The following CDK14 variants were observed in gnomAD, a reference collection of about 807,000 sequenced individuals.
The protein encoded by CDK14 is cyclin dependent kinase 14, also known as cyclin-dependent kinase 14.
A neutral mutation model predicts 60.7 loss-of-function variants in CDK14; 34 were observed. That is an observed-to-expected ratio of 0.56 (90% confidence interval 0.43 to 0.75). CDK14 has a LOEUF of 0.75. Ranked by LOEUF, CDK14 falls within the 30% of genes least tolerant of loss-of-function variation. CDK14 has a pLI of 0.00. For missense variants in CDK14, 482 were observed against 564.1 expected, an observed-to-expected ratio of 0.85 and a Z score of 1.47; for synonymous variants, 197 against 203.7, an observed-to-expected ratio of 0.97 and a Z score of 0.28.
chr7:90,664,898 C>CACGTGTA (rs1800943431), intron 2 of CDK14, among the ~76,000 whole-genome samples: 1 of 151,876 alleles, frequency 6.6e-6, no homozygotes, highest in African/African-American at 2.4e-5. Context: ...ATGTAACAAA[C>CACGTGTA]CTGCAGATTG....
intron 6 of CDK14, among the ~76,000 whole-genome samples, chr7:90,879,698 C>A (rs559073700): frequency 2.6e-4 from 39 of 151,874 alleles, no homozygotes; most frequent in Non-Finnish European, 5.0e-4. Flanking sequence ...ACCTACGTAA[C>A]AAACCTGCAC....
At chr7:91,063,189 A>C (rs564267899) in intron 11 of CDK14, among the ~76,000 whole-genome samples, 6 of 152,282 alleles carry the variant, frequency 3.9e-5, no homozygotes, top group African/African-American at 1.4e-4. Flanking sequence ...AAGTGAGTTC[A>C]TTTTTTGCTG....
intron 12 of CDK14, among the ~76,000 whole-genome samples, chr7:91,109,812 A>T (rs1167433781): frequency 1.3e-5 from 2 of 152,154 alleles, no homozygotes; most frequent in African/African-American, 4.8e-5. Context: ...ATATTGTATT[A>T]ATGTGAGAAT....
intron 3 of CDK14, among the ~76,000 whole-genome samples, chr7:90,729,483 GTTT>G (rs1802777639): frequency 6.7e-6 from 1 of 149,714 alleles, no homozygotes; most frequent in Non-Finnish European, 1.5e-5. Flanking sequence ...GCCCTTATGG[GTTT>G]TAATTTTAGT....
At chr7:90,678,654 T>A (rs540605840) in intron 2 of CDK14, among the ~76,000 whole-genome samples, 44 of 152,222 alleles carry the variant, frequency 2.9e-4, no homozygotes, top group African/African-American at 8.2e-4. Context: ...ATTTTTTTTT[T>A]AAAATAGAGG....
At chr7:91,031,308 C>T (rs566232643) in intron 10 of CDK14, among the ~76,000 whole-genome samples, 43 of 151,926 alleles carry the variant, frequency 2.8e-4, no homozygotes, top group Admixed American at 4.6e-4. Context: ...AGCAGAAACC[C>T]ATAAACAATG....
chr7:90,758,826 C>T (rs1232040628), intron 4 of CDK14, among the ~76,000 whole-genome samples: 4 of 152,248 alleles, frequency 2.6e-5, no homozygotes, highest in East Asian at 1.9e-4. Context: ...AAGGGCAAGG[C>T]GGGTGGATCA....
chr7:91,035,318 CA>C (rs1423381871), intron 10 of CDK14, among the ~76,000 whole-genome samples: 10 of 152,172 alleles, frequency 6.6e-5, no homozygotes, highest in African/African-American at 2.2e-4. Flanking sequence ...TGTCTGAATG[CA>C]AAATGCAACC....
At chr7:90,598,951 G>A (rs1168062526) in intron 1 of CDK14, among the ~76,000 whole-genome samples, 1 of 151,906 alleles carries the variant, frequency 6.6e-6, no homozygotes, top group African/African-American at 2.4e-5. Flanking sequence ...TGATCCGCCC[G>A]CCTCGGCCTC....
In CDK14 at chr7:91,065,940, C is replaced by T. The variant is rs1198836449; in HGVS notation, c.1106-13492C>T. On this transcript the variant is annotated intron_variant, in intron 11 of 14. Coordinates refer to ENST00000380050, the MANE Select transcript of CDK14 (RefSeq NM_001287135.2). ...GTGATTTATGACAGTGTTAATTGTT[C>T]ATCCTTGTAAGGGACTGGAGCCTTT... 5.9e-5 allele frequency among the ~76,000 whole-genome samples: 9 copies of T among 152,178 alleles called. No homozygotes were observed. In the East Asian group the frequency reaches 1.7e-3, roughly 29 times the overall value.
chr7:90,884,384 G>C (rs1390500277), intron 6 of CDK14, among the ~76,000 whole-genome samples: 2 of 152,146 alleles, frequency 1.3e-5, no homozygotes, highest in Admixed American at 6.5e-5. Context: ...CAAGGGATTT[G>C]AAGGACCTCT....
rs1584808725 is a variant in CDK14, at chr7:90,709,438, C to T, written c.124-17129C>T. On this transcript the variant is annotated intron_variant, in intron 2 of 14. Coordinates refer to ENST00000380050, the MANE Select transcript of CDK14 (RefSeq NM_001287135.2). The stretch of plus-strand genomic sequence containing the variant: ...AATGTTTTTCCTCCTATGCAATCAC[C>T]ATTAGCTGTTTGGCTCCCATTCTGT... 4.0e-6 allele frequency: 6 copies of T among 1,517,708 alleles called. No individual in the cohort carries two copies. The East Asian group carries it at 1.4e-4, about 36-fold the overall frequency. 94.0% of individuals were successfully genotyped at this position (1,517,708 alleles called of 1,614,324 possible). A position where few individuals can be genotyped will look rare whatever the true frequency, so the allele number is the denominator to read the frequency against.
chr7:90,921,532 C>T (rs1793252370), intron 8 of CDK14, among the ~76,000 whole-genome samples: 1 of 152,026 alleles, frequency 6.6e-6, no homozygotes, highest in Non-Finnish European at 1.5e-5. Context: ...GTTTTGCTCA[C>T]TGTTGTTTGC....
chr7:91,178,564 T>A (rs540531346), intron 14 of CDK14, among the ~76,000 whole-genome samples: 1 of 152,124 alleles, frequency 6.6e-6, no homozygotes, highest in South Asian at 2.1e-4. Context: ...CCTACTCATA[T>A]GACAAAGGGC....
At chr7:90,766,624 G>C (rs1430668096) in intron 4 of CDK14, among the ~76,000 whole-genome samples, 4 of 152,200 alleles carry the variant, frequency 2.6e-5, no homozygotes, top group African/African-American at 9.6e-5. Context: ...TTCAAAATCT[G>C]CTTTCTTGAA....
intron 2 of CDK14, among the ~76,000 whole-genome samples, chr7:90,623,997 A>C (rs561942620): frequency 1.3e-5 from 2 of 152,292 alleles, no homozygotes; most frequent in Non-Finnish European, 2.9e-5. Flanking sequence ...TTTATAATAC[A>C]TATTTTGTAG....
intron 2 of CDK14, among the ~76,000 whole-genome samples, chr7:90,678,291 G>T (rs1426930661): frequency 6.6e-6 from 1 of 152,124 alleles, no homozygotes; most frequent in African/African-American, 2.4e-5. Context: ...GCTTTATCTG[G>T]CCCCCTTGGC....
intron 2 of CDK14, among the ~76,000 whole-genome samples, chr7:90,618,985 C>T (rs1044234466): frequency 1.3e-5 from 2 of 152,138 alleles, no homozygotes; most frequent in African/African-American, 4.8e-5. Context: ...TCACCAAGCT[C>T]ATTAAGTTAA....
chr7:90,645,373 C>T (rs984672184), intron 2 of CDK14, among the ~76,000 whole-genome samples: 2 of 151,682 alleles, frequency 1.3e-5, no homozygotes, highest in Non-Finnish European at 2.9e-5. Flanking sequence ...TTTAAATAAC[C>T]TTAAAATGAT....
Sources: allele counts gnomAD v4.1 joint callset (sites outside exome capture counted in the v4.1 genomes callset), GRCh38; gene constraint gnomAD v4.1.1; transcripts MANE v1.5; gene names NCBI Gene and HGNC (gene_info 2026-07-23, HGNC 2026-07-21).